The following GRID1 variants were observed in gnomAD, a reference collection of about 807,000 sequenced individuals.
GRID1 encodes glutamate receptor ionotropic, delta-1.
GRID1 carries 28 observed loss-of-function variants against 98.0 expected under a neutral mutation model. That is an observed-to-expected ratio of 0.29 (90% CI 0.21 to 0.39). GRID1 has a LOEUF of 0.39. GRID1 is among the 10% of genes least tolerant of loss of function. GRID1 has a pLI of 1.00. For missense variants in GRID1, 1,111 were observed against 1,340.5 expected, an observed-to-expected ratio of 0.83 and a Z score of 2.67; for synonymous variants, 553 against 538.5, an observed-to-expected ratio of 1.03 and a Z score of -0.37.
At chr10:85,869,230 T>G in intron 5 of GRID1, 50 bp from the exon 6 acceptor site, 12 of 1,523,004 alleles carry the variant, frequency 7.9e-6, no homozygotes, top group Non-Finnish European at 1.1e-5. Flanking sequence ...GAACTATCTC[T>G]GCAAGAGACC....
intron 8 of GRID1, among the ~76,000 whole-genome samples, chr10:85,756,238 G>A: frequency 6.6e-6 from 1 of 152,150 alleles, no homozygotes; most frequent in East Asian, 1.9e-4. Context: ...GAGCTGTGAA[G>A]AATAAATTTC....
chr10:86,275,792 A>C (rs537439766), intron 2 of GRID1, among the ~76,000 whole-genome samples: 4 of 152,312 alleles, frequency 2.6e-5, no homozygotes, highest in Admixed American at 1.3e-4. Context: ...GATACCATCA[A>C]GCAGACTAAC....
In GRID1 at chr10:85,613,550, G is replaced by T. The variant is rs1390139205; in HGVS notation, c.2458C>A (p.Gln820Lys). The T allele has an allele frequency of 4.0e-5, 64 of 1,614,200 alleles. No homozygotes were observed. Among genetic ancestry groups the T allele is most frequent in the Non-Finnish European group, 5.3e-5 (62 of 1,180,040 alleles). The stretch of plus-strand genomic sequence containing the variant: ...AGCTTGAGGGATTTGCCGTCGGCCT[G>T]GGCGCTGGCATGGCTGGTGAGGTCA... ...RCDLTSHASAQADGKSLKLHS... is the reference protein window; with the variant it reads ...RCDLTSHASAKADGKSLKLHS... Residue 820 changes from glutamine (Q) to lysine (K), a missense_variant, in exon 15 of 16, where the codon CAG becomes AAG. By Grantham distance (53) the Gln-to-Lys change is moderately conservative. Coordinates refer to ENST00000327946, the MANE Select transcript of GRID1 (RefSeq NM_017551.3).
chr10:86,265,669 G>A (rs1168819071), intron 2 of GRID1, among the ~76,000 whole-genome samples: 2 of 152,186 alleles, frequency 1.3e-5, no homozygotes, highest in Non-Finnish European at 2.9e-5. Context: ...GCCCCTCAGG[G>A]GATGGTTTCT....
chr10:86,132,688 T>C (rs967819302), intron 4 of GRID1, among the ~76,000 whole-genome samples: 2 of 152,260 alleles, frequency 1.3e-5, no homozygotes. Flanking sequence ...CAACAGAACG[T>C]TGAGATTGCT....
intron 8 of GRID1, among the ~76,000 whole-genome samples, chr10:85,851,389 C>G (rs1843057093): frequency 6.6e-6 from 1 of 152,116 alleles, no homozygotes; most frequent in South Asian, 2.1e-4. Flanking sequence ...TTTTTCCATA[C>G]AAAGCTCACT....
intron 5 of GRID1, among the ~76,000 whole-genome samples, chr10:85,872,945 A>T (rs1843292829): frequency 6.6e-6 from 1 of 152,208 alleles, no homozygotes; most frequent in African/African-American, 2.4e-5. Flanking sequence ...CTAACAAGCC[A>T]CAGAAGCAGC....
rs577666824 is a variant in GRID1 at position 85,867,311 on chromosome 10, C to T, written c.951+1699G>A. Among the ~76,000 whole-genome samples, 4 of 152,234 alleles carry T rather than the reference C, an allele frequency of 2.6e-5. No homozygotes were observed. In the East Asian group the frequency reaches 7.7e-4, roughly 29 times the overall value. On this transcript the variant is annotated intron_variant, in intron 6 of 15. Transcript: ENST00000327946. Reference sequence around the variant, plus strand: ...GAGACTGAGTGCAGTTTAACTAAGACCTAGAGAATGATTTAGGGCATATGA... The same window carrying T: ...GAGACTGAGTGCAGTTTAACTAAGATCTAGAGAATGATTTAGGGCATATGA...
At chr10:85,805,352 A>G (rs1244665649) in intron 8 of GRID1, among the ~76,000 whole-genome samples, 1 of 151,698 alleles carries the variant, frequency 6.6e-6, no homozygotes, top group African/African-American at 2.4e-5. Context: ...ATAAAATAAA[A>G]CCTAAATAAA....
intron 4 of GRID1, among the ~76,000 whole-genome samples, chr10:85,939,755 C>T (rs1007573896): frequency 1.3e-5 from 2 of 152,042 alleles, no homozygotes; most frequent in Non-Finnish European, 2.9e-5. Flanking sequence ...ATAACATATT[C>T]ATTGGTTCCA....
At chr10:85,876,481 TCAAGATCATTAACTTCATCATATCTG>T (rs1212485489) in intron 5 of GRID1, among the ~76,000 whole-genome samples, 2 of 152,146 alleles carry the variant, frequency 1.3e-5, no homozygotes, top group African/African-American at 4.8e-5. Context: ...TCGCCCCATC[TCAAGATCATTAACTTCATCATATCTG>T]CAAAATGTCC....
intron 12 of GRID1, among the ~76,000 whole-genome samples, chr10:85,678,017 T>C (rs1841164844): frequency 6.6e-6 from 1 of 152,108 alleles, no homozygotes; most frequent in Admixed American, 6.5e-5. Context: ...CAGGATGCTG[T>C]ATCTCATTCT....
intron 4 of GRID1, among the ~76,000 whole-genome samples, chr10:85,952,407 C>T (rs74740550): frequency 0.052 from 7,889 of 152,264 alleles, 247 homozygotes; most frequent in Middle Eastern, 0.11. Context: ...ATTAGCAATG[C>T]CATGTTTTAG....
At chr10:86,261,511 A>C (rs1326403613) in intron 2 of GRID1, among the ~76,000 whole-genome samples, 1 of 152,148 alleles carries the variant, frequency 6.6e-6, no homozygotes, top group Non-Finnish European at 1.5e-5. Context: ...GAGAGCACCC[A>C]ATGTACTGGG....
chr10:86,330,341 A>G (rs1417093265), intron 2 of GRID1, among the ~76,000 whole-genome samples: 2 of 152,190 alleles, frequency 1.3e-5, no homozygotes, highest in Non-Finnish European at 2.9e-5. Flanking sequence ...CCTCTGCAGA[A>G]GGCAGGAGGT....
intron 4 of GRID1, among the ~76,000 whole-genome samples, chr10:86,068,899 T>A (rs1843757459): frequency 1.3e-5 from 2 of 152,136 alleles, no homozygotes; most frequent in Non-Finnish European, 2.9e-5. Flanking sequence ...AAAGAGAGGC[T>A]CCTTTCTCAC....
chr10:86,150,892 G>C (rs557480910), intron 3 of GRID1, among the ~76,000 whole-genome samples: 2 of 152,294 alleles, frequency 1.3e-5, no homozygotes, highest in Non-Finnish European at 2.9e-5. Flanking sequence ...CCAGCACCTT[G>C]ATCTTGGACT....
At chr10:86,264,339 A>C (rs904900116) in intron 2 of GRID1, among the ~76,000 whole-genome samples, 1 of 152,074 alleles carries the variant, frequency 6.6e-6, no homozygotes, top group Non-Finnish European at 1.5e-5. Context: ...AACTTGCTGG[A>C]ACTTCCTGCC....
At chr10:86,046,632 G>A (rs905161396) in intron 4 of GRID1, among the ~76,000 whole-genome samples, 1 of 152,080 alleles carries the variant, frequency 6.6e-6, no homozygotes, top group Non-Finnish European at 1.5e-5. Context: ...GGATATAACA[G>A]TTAACCCTAG....
Sources: gnomAD v4.1 joint callset for allele counts (sites outside exome capture counted in the v4.1 genomes callset) on GRCh38, gnomAD v4.1.1 for gene constraint, MANE v1.5 for transcripts, NCBI Gene and HGNC (gene_info 2026-07-23, HGNC 2026-07-21) for gene names.